Variants in ALG12 observed in about 807,000 individuals in gnomAD.
ALG12 encodes dol-P-Man:Man(7)GlcNAc(2)-PP-Dol alpha-1,6-mannosyltransferase.
Under a neutral mutation model 46.0 loss-of-function variants are expected in ALG12, and 36 were observed. The observed-to-expected ratio is 0.78, with a 90% CI of 0.60 to 1.03. ALG12 has a LOEUF of 1.03. Among genes scored for constraint, ALG12 ranks in the 50% least tolerant of loss-of-function variants. The pLI, the probability that ALG12 is intolerant of heterozygous loss-of-function variation, is 0.00. For missense variants in ALG12, 599 were observed against 633.5 expected, an observed-to-expected ratio of 0.95 and a Z score of 0.58; for synonymous variants, 326 against 291.6, an observed-to-expected ratio of 1.12 and a Z score of -1.20.
Position 49,918,273 on chromosome 22 carries a change from C to T in ALG12, c.-89G>A, listed in dbSNP as rs1272210451. On this transcript the variant is annotated 5_prime_UTR_variant, in exon 1 of 10. Coordinates refer to ENST00000330817, the MANE Select transcript of ALG12 (RefSeq NM_024105.4). ...GCAGCGCGCACTGACCTCCGCAGCT[C>T]CCGGCGGCGTCCTTCGAAGCGCGGC... is the stretch of plus-strand genomic sequence containing the variant. 6.6e-6 allele frequency: 1 copy of T among 152,428 alleles called. No homozygotes were observed. Among genetic ancestry groups the T allele is most frequent in the Admixed American group, 6.5e-5 (1 of 15,294 alleles). The allele number at this position is 152,428 out of a possible 1,614,324, so 9.4% of individuals were successfully genotyped here. A position where few individuals can be genotyped will look rare whatever the true frequency, so the allele number is the denominator to read the frequency against.
chr22:49,911,571 A>G (rs2060576706), intron 3 of ALG12, among the ~76,000 whole-genome samples: 1 of 151,886 alleles, frequency 6.6e-6, no homozygotes, highest in Admixed American at 6.6e-5. Flanking sequence ...AGTAGCTGGG[A>G]TTATAGGCGC....
At position 49,903,496 on chromosome 22, in the gene ALG12, G is replaced by A. The variant is rs1484404393; in HGVS notation, c.*342C>T. 9.9e-6 allele frequency: 5 copies of A among 505,668 alleles called. No individual in the cohort carries two copies. In the Admixed American group the frequency reaches 1.1e-4, roughly 12 times the overall value. The allele number at this position is 505,668 out of a possible 1,614,324, so 31.3% of individuals were successfully genotyped here. A position where few individuals can be genotyped will look rare whatever the true frequency, so the allele number is the denominator to read the frequency against. On this transcript the variant is annotated 3_prime_UTR_variant, in exon 10 of 10. Transcript: ENST00000330817. Reference sequence around the variant, plus strand: ...TGGGCAGGACACACGTGGCCTCCTGGCAGACAGGTGCCTGGGTGAGCCCGC... The same window carrying A: ...TGGGCAGGACACACGTGGCCTCCTGACAGACAGGTGCCTGGGTGAGCCCGC...
At position 49,901,415 on chromosome 22, in the gene ALG12, AG is replaced by A. The variant is rs2060504422; in HGVS notation, c.*2422del. 1 of 152,314 alleles carries A rather than the reference AG, an allele frequency of 6.6e-6. No individual in the cohort carries two copies. Among genetic ancestry groups the A allele is most frequent in the Non-Finnish European group, 1.5e-5 (1 of 68,076 alleles). 9.4% of individuals were successfully genotyped at this position (152,314 alleles called of 1,614,324 possible). A position where few individuals can be genotyped will look rare whatever the true frequency, so the allele number is the denominator to read the frequency against. Reference sequence around the variant, plus strand: ...CTGGGCAACAGCCACAAGCTCTCAAAGAGCACAGGAAGAAATCATGTCTTTA... The same window carrying A: ...CTGGGCAACAGCCACAAGCTCTCAAAAGCACAGGAAGAAATCATGTCTTTA... On this transcript the variant is annotated 3_prime_UTR_variant, in exon 10 of 10. Transcript: ENST00000330817.
At chr22:49,890,317 C>A in the ALG12 span, among the ~76,000 whole-genome samples, 2 of 152,108 alleles carry the variant, frequency 1.3e-5, no homozygotes, top group African/African-American at 4.8e-5. Context: ...TTAAAACCAC[C>A]AACAATGACA....
chr22:49,881,072 G>A, the ALG12 span, among the ~76,000 whole-genome samples: 2 of 152,192 alleles, frequency 1.3e-5, no homozygotes, highest in Admixed American at 6.5e-5. Flanking sequence ...CTGGCCAGGC[G>A]CAGTGGCTCA....
chr22:49,885,408 T>C, the ALG12 span: 4 of 1,605,498 alleles, frequency 2.5e-6, no homozygotes, highest in South Asian at 4.4e-5. Flanking sequence ...GCTTGCACTG[T>C]GGCCGGACCA....
the ALG12 span, among the ~76,000 whole-genome samples, chr22:49,862,693 CTTTTTTTTTTTTTTTTTT>C: frequency 3.4e-5 from 2 of 58,988 alleles, no homozygotes; most frequent in Non-Finnish European, 6.5e-5. Flanking sequence ...TAAGTTTTTC[CTTTTTTTTTTTTTTTTTT>C]TTTTTTTTAG....
intron 1 of ALG12, among the ~76,000 whole-genome samples, chr22:49,914,796 A>C (rs12167279): frequency 0.12 from 18,722 of 152,174 alleles, 2,939 homozygotes; most frequent in African/African-American, 0.37. Context: ...AGTGCAGTGG[A>C]GTGATCATGG....
At chr22:49,889,505 G>GT in the ALG12 span, 1 of 167,112 alleles carries the variant, frequency 6.0e-6, no homozygotes, top group Non-Finnish European at 1.5e-5. Context: ...TCATGCTGCT[G>GT]TATTTTTAGT....
At chr22:49,913,314 C>T (rs868491617) in intron 3 of ALG12, 71 bp downstream of exon 3, 185 of 1,602,264 alleles carry the variant, frequency 1.2e-4, no homozygotes, top group South Asian at 8.5e-4. Flanking sequence ...GGAGGGACCG[C>T]GGCCTCGCTG....
chr22:49,899,937 T>A (rs932181564), downstream of ALG12, among the ~76,000 whole-genome samples: 1 of 152,064 alleles, frequency 6.6e-6, no homozygotes, highest in South Asian at 2.1e-4. Flanking sequence ...GGCAGGAGGA[T>A]TGCTTGAAGC....
chr22:49,894,452 C>T, the ALG12 span, among the ~76,000 whole-genome samples: 3 of 148,954 alleles, frequency 2.0e-5, no homozygotes, highest in African/African-American at 5.2e-5. Flanking sequence ...CTTCACATAT[C>T]GAGTCCAAGG....
the ALG12 span, among the ~76,000 whole-genome samples, chr22:49,864,018 G>A: frequency 1.3e-5 from 2 of 152,170 alleles, no homozygotes; most frequent in Non-Finnish European, 2.9e-5. Context: ...GTATTTTTCC[G>A]GCTCCAGACC....
intron 3 of ALG12, among the ~76,000 whole-genome samples, chr22:49,911,053 C>A (rs1014987790): frequency 3.9e-5 from 6 of 152,204 alleles, no homozygotes; most frequent in Non-Finnish European, 8.8e-5. Context: ...GACCCCTCTC[C>A]CCATTTGACA....
At chr22:49,899,964 T>C (rs1397362533), downstream of ALG12, among the ~76,000 whole-genome samples, 1 of 152,006 alleles carries the variant, frequency 6.6e-6, no homozygotes, top group African/African-American at 2.4e-5. Flanking sequence ...TTCAAGACCA[T>C]CCTGGGCAAC....
chr22:49,874,014 C>G, the ALG12 span, among the ~76,000 whole-genome samples: 1 of 152,232 alleles, frequency 6.6e-6, no homozygotes, highest in Non-Finnish European at 1.5e-5. Context: ...GTCCTGTGAC[C>G]TCTCTGAACT....
Position 49,903,992 on chromosome 22 carries a change from G to A in ALG12, c.1313C>T (p.Pro438Leu), listed in dbSNP as rs749931905. The change falls in exon 10 of 10, where the codon CCT becomes CTT. Residue 438 changes from proline (P) to leucine (L), a missense_variant. Pro to Leu is a moderately conservative substitution (Grantham distance 98). Coordinates refer to ENST00000330817, the MANE Select transcript of ALG12 (RefSeq NM_024105.4). ...GTCCCTGTAGAGGGCCAGGAGCCCA[G>A]GGGCCGCCTCCATGAGGATGTGTGT... is the stretch of plus-strand genomic sequence containing the variant. ...AYTHILMEAA[P>L]GLLALYRDTH... 6.2e-7 allele frequency: 1 copy of A among 1,614,210 alleles called. No homozygotes were observed. Among genetic ancestry groups the A allele is most frequent in the South Asian group, 1.1e-5 (1 of 91,090 alleles).
chr22:49,885,488 G>C, the ALG12 span: 2 of 1,611,918 alleles, frequency 1.2e-6, no homozygotes, highest in Non-Finnish European at 8.5e-7. Flanking sequence ...CGGTTCCATA[G>C]CAACGTGCTG....
In ALG12 at chr22:49,906,961, C is replaced by A. The variant is rs577810916; in HGVS notation, c.992+760G>T. Reference sequence around the variant, plus strand: ...CAGACCACCCCACCCTCAGCCCAGGCAGTGCCCTCCCCAGGCCCTGCCAGG... The same window carrying A: ...CAGACCACCCCACCCTCAGCCCAGGAAGTGCCCTCCCCAGGCCCTGCCAGG... On this transcript the variant is annotated intron_variant, in intron 7 of 9. Transcript: ENST00000330817. This position sits in a 1 kb window ranked among gnomAD's most constrained non-coding sequence, Gnocchi z 4.4. Among the ~76,000 whole-genome samples, 1 of 152,246 alleles carries A rather than the reference C, an allele frequency of 6.6e-6. No homozygotes were observed. Among genetic ancestry groups the A allele is most frequent in the South Asian group, 2.1e-4 (1 of 4,832 alleles).
Sources: allele counts gnomAD v4.1 joint callset (sites outside exome capture counted in the v4.1 genomes callset), GRCh38; gene constraint gnomAD v4.1.1; non-coding constraint Gnocchi (gnomAD v3.1); transcripts MANE v1.5; gene names NCBI Gene and HGNC (gene_info 2026-07-23, HGNC 2026-07-21).